ELAVL2: variants seen among roughly 807,000 people sequenced by gnomAD.
ELAVL2 encodes ELAV-like protein 2.
A neutral mutation model predicts 34.6 loss-of-function variants in ELAVL2; 4 were observed. The ratio of observed to expected loss-of-function variants is 0.12; its 90% CI spans 0.06 to 0.26. The LOEUF (loss-of-function observed/expected upper bound fraction) is 0.26. Ranked by LOEUF, ELAVL2 falls within the 10% of genes least tolerant of loss-of-function variation. The pLI, the probability that ELAVL2 is intolerant of heterozygous loss-of-function variation, is 1.00. For missense variants in ELAVL2, 432 were observed against 442.8 expected (o/e 0.98, Z 0.22); for synonymous variants, 193 against 154.8 (o/e 1.25, Z -1.83).
At chr9:23,830,459 T>G (rs941585969), upstream of ELAVL2, among the ~76,000 whole-genome samples, 1 of 152,080 alleles carries the variant, frequency 6.6e-6, no homozygotes, top group Admixed American at 6.6e-5. Context: ...TCAAGGAATA[T>G]TCCCCCCGAA....
the ELAVL2 span, among the ~76,000 whole-genome samples, chr9:23,850,570 G>A: frequency 6.1e-4 from 93 of 151,948 alleles, 1 homozygote; most frequent in African/African-American, 2.2e-3. Flanking sequence ...GGCAAGCCGT[G>A]TGACAGCGCT....
intron 3 of ELAVL2, 33 bp downstream of exon 3, chr9:23,730,989 C>A: frequency 3.2e-6 from 5 of 1,576,206 alleles, no homozygotes; most frequent in Non-Finnish European, 4.3e-6. Context: ...AACTTCTGTT[C>A]CGCAAGTAGA....
chr9:23,786,267 C>T (rs1277804031), intron 1 of ELAVL2, among the ~76,000 whole-genome samples: 3 of 151,992 alleles, frequency 2.0e-5, no homozygotes, highest in African/African-American at 7.3e-5. Context: ...ACCATAATAC[C>T]TAATTTCATC....
At chr9:23,785,015 G>A (rs573863268) in intron 1 of ELAVL2, among the ~76,000 whole-genome samples, 16 of 152,156 alleles carry the variant, frequency 1.1e-4, no homozygotes, top group African/African-American at 3.9e-4. Flanking sequence ...CCTACTTTGG[G>A]GCATCTAAGC....
At chr9:23,727,196 G>C (rs2134325107) in intron 3 of ELAVL2, among the ~76,000 whole-genome samples, 1 of 152,196 alleles carries the variant, frequency 6.6e-6, no homozygotes, top group South Asian at 2.1e-4. Flanking sequence ...TCACCAGCAA[G>C]GTATGCCTCT....
upstream of ELAVL2, among the ~76,000 whole-genome samples, chr9:23,827,290 T>G (rs1294046009): frequency 6.6e-6 from 1 of 152,218 alleles, no homozygotes; most frequent in Admixed American, 6.5e-5. Flanking sequence ...TCAATGCTTC[T>G]GCTTCATAGA....
At chr9:23,724,684 T>A (rs781479553) in intron 3 of ELAVL2, among the ~76,000 whole-genome samples, 1 of 152,164 alleles carries the variant, frequency 6.6e-6, no homozygotes, top group Non-Finnish European at 1.5e-5. Flanking sequence ...TTAAATGTAT[T>A]GAAGAGGTGC....
chr9:23,728,591 A>G (rs898427047), intron 3 of ELAVL2, among the ~76,000 whole-genome samples: 1 of 152,098 alleles, frequency 6.6e-6, no homozygotes, highest in African/African-American at 2.4e-5. Flanking sequence ...TGGTGCTGAC[A>G]GCCATCACCA....
intron 1 of ELAVL2, among the ~76,000 whole-genome samples, chr9:23,774,302 C>T (rs1487739074): frequency 6.6e-6 from 1 of 151,222 alleles, no homozygotes; most frequent in Non-Finnish European, 1.5e-5. Flanking sequence ...AGTTTTTCTT[C>T]CCCCCACATC....
intron 1 of ELAVL2, among the ~76,000 whole-genome samples, chr9:23,773,079 G>C (rs1408892078): frequency 6.6e-6 from 1 of 152,148 alleles, no homozygotes; most frequent in Non-Finnish European, 1.5e-5. Flanking sequence ...AAGTGGGGGA[G>C]GGGGAGAATT....
intron 1 of ELAVL2, among the ~76,000 whole-genome samples, chr9:23,768,721 A>G (rs1262475807): frequency 1.3e-5 from 2 of 152,172 alleles, no homozygotes; most frequent in Non-Finnish European, 2.9e-5. Flanking sequence ...AAACCCTGGA[A>G]GACAAGACAA....
At chr9:23,759,354 C>A (rs976983011) in intron 2 of ELAVL2, among the ~76,000 whole-genome samples, 2 of 151,774 alleles carry the variant, frequency 1.3e-5, no homozygotes, top group Admixed American at 6.6e-5. Context: ...TCGAAAAATG[C>A]TGATCTCATT....
intron 1 of ELAVL2, chr9:23,779,224 TAAG>T (rs1021578090): frequency 1.0e-6 from 1 of 985,274 alleles, no homozygotes; most frequent in African/African-American, 1.7e-5. Flanking sequence ...GAAGGGTAAA[TAAG>T]AGGTCTTACT....
Position 23,806,631 on chromosome 9 carries a change from A to T in ELAVL2, c.-16+19175T>A, listed in dbSNP as rs2137887671. Among the ~76,000 whole-genome samples the T allele has an allele frequency of 1.3e-5, 2 of 152,252 alleles. 1 individual carries two copies. The highest frequency in any genetic ancestry group is 4.2e-4 in the South Asian group (2 of 4,818). ...GAGACTAAATCTCTTAAAAAAAAAA[A>T]TCAGTAATAAGACAATAAGACCCAC... is the stretch of plus-strand genomic sequence containing the variant. On this transcript the variant is annotated intron_variant, in intron 1 of 6. Coordinates refer to ENST00000397312, the MANE Select transcript of ELAVL2 (RefSeq NM_004432.5).
At position 23,690,293 on chromosome 9, in the gene ELAVL2, A is replaced by G. The variant is rs1328370732; in HGVS notation, c.*2264T>C. 6.6e-6 allele frequency: 1 copy of G among 152,604 alleles called. No individual in the cohort carries two copies. Among genetic ancestry groups the G allele is most frequent in the Admixed American group, 6.5e-5 (1 of 15,278 alleles). The allele number at this position is 152,604 out of a possible 1,614,324, so 9.5% of individuals were successfully genotyped here. On this transcript the variant is annotated 3_prime_UTR_variant, in exon 7 of 7. Transcript: ENST00000397312. Reference sequence around the variant, plus strand: ...TTACATTTTATTAAGTGCTCTGATAAAACACTGTAAAGTGAAGCACAATTT... The same window carrying G: ...TTACATTTTATTAAGTGCTCTGATAGAACACTGTAAAGTGAAGCACAATTT...
intron 1 of ELAVL2, chr9:23,764,931 G>A: frequency 1.5e-6 from 2 of 1,340,412 alleles, no homozygotes; most frequent in Admixed American, 4.4e-5. Context: ...AAAGATTCAA[G>A]TGTTTGGTAT....
chr9:23,706,222 G>A (rs1363924089), intron 3 of ELAVL2, among the ~76,000 whole-genome samples: 1 of 152,068 alleles, frequency 6.6e-6, no homozygotes, highest in Non-Finnish European at 1.5e-5. Context: ...ATCCCACAAG[G>A]ACGAAAGACA....
intron 1 of ELAVL2, among the ~76,000 whole-genome samples, chr9:23,801,605 T>C (rs2061574809): frequency 6.6e-6 from 1 of 152,212 alleles, no homozygotes; most frequent in African/African-American, 2.4e-5. Flanking sequence ...TCATTAAGAA[T>C]GCTAGATGTC....
chr9:23,719,875 G>C (rs542010033), intron 3 of ELAVL2, among the ~76,000 whole-genome samples: 6 of 149,878 alleles, frequency 4.0e-5, no homozygotes, highest in African/African-American at 1.5e-4. Context: ...GCTCAGGTTG[G>C]AGTATAATGG....
Sources: allele counts gnomAD v4.1 joint callset (sites outside exome capture counted in the v4.1 genomes callset), GRCh38; gene constraint gnomAD v4.1.1; transcripts MANE v1.5; gene names NCBI Gene and HGNC (gene_info 2026-07-23, HGNC 2026-07-21).